The following FAM13C variants were observed in gnomAD, a reference collection of about 807,000 sequenced individuals.
The protein encoded by FAM13C is protein FAM13C.
In FAM13C, 37 loss-of-function variants were observed where a neutral mutation model predicts 73.2. The observed-to-expected ratio is 0.51, with a 90% CI of 0.39 to 0.67. The LOEUF is 0.67. FAM13C is among the 30% of genes least tolerant of loss of function. The pLI is 0.00. For synonymous variants in FAM13C, 246 were observed against 260.9 expected (o/e 0.94, Z 0.55); for missense variants, 589 against 715.6 (o/e 0.82, Z 2.02).
chr10:59,284,069 T>G (rs780118608), intron 5 of FAM13C, among the ~76,000 whole-genome samples: 1 of 150,958 alleles, frequency 6.6e-6, no homozygotes, highest in Non-Finnish European at 1.5e-5. Flanking sequence ...TAAAGTTACT[T>G]CTCTTACATG....
intron 1 of FAM13C, chr10:59,360,884 AC>A: frequency 3.2e-6 from 1 of 308,788 alleles, no homozygotes; most frequent in East Asian, 1.3e-4. Flanking sequence ...AAAAAAGTCC[AC>A]GTGAAATCTG....
chr10:59,357,607 GTT>G (rs1855884031), intron 1 of FAM13C, among the ~76,000 whole-genome samples: 1 of 152,200 alleles, frequency 6.6e-6, no homozygotes, highest in Non-Finnish European at 1.5e-5. Context: ...GGACAGACCA[GTT>G]TGTTTTTTAT....
chr10:59,251,636 T>G lies in FAM13C; in HGVS notation c.1573A>C (p.Lys525Gln), dbSNP rs781196676. ...LDHLRETRAD[K>Q]KRLRKALREF... ...CTTAAGGCTTTCCGCAGTCTCTTCT[T>G]GTCAGCCCTAGTTTCTCGGAGATGG... The change falls in exon 13 of 14, where the codon AAG becomes CAG. Residue 525 changes from lysine to glutamine, a missense_variant. Transcript: ENST00000618804. 6.2e-7 allele frequency: 1 copy of G among 1,613,518 alleles called. No individual in the cohort carries two copies. Among genetic ancestry groups the G allele is most frequent in the Admixed American group, 1.7e-5 (1 of 59,942 alleles).
In FAM13C at chr10:59,264,076, G is replaced by C. The variant is rs556346617; in HGVS notation, c.1024+9C>G. The C allele has an allele frequency of 6.2e-7, 1 of 1,611,628 alleles. No individual in the cohort carries two copies. Among genetic ancestry groups the C allele is most frequent in the South Asian group, 1.1e-5 (1 of 91,022 alleles). Reference sequence around the variant, plus strand: ...TTGTGAGGAAAAAAGATCTTTGGCTGGGATTTACCTTTGAGCTGTTTACGA... The same window carrying C: ...TTGTGAGGAAAAAAGATCTTTGGCTCGGATTTACCTTTGAGCTGTTTACGA... On this transcript the variant is annotated intron_variant, in intron 9 of 13. Coordinates refer to ENST00000618804, the MANE Select transcript of FAM13C (RefSeq NM_198215.4).
chr10:59,356,729 T>G (rs923615270), intron 1 of FAM13C, among the ~76,000 whole-genome samples: 3 of 152,190 alleles, frequency 2.0e-5, no homozygotes, highest in African/African-American at 7.2e-5. Context: ...AGTATTAATT[T>G]GATTGAAAGA....
At chr10:59,324,208 A>AT (rs763055547) in intron 3 of FAM13C, 102 bp from the exon 4 acceptor site, 19 of 858,084 alleles carry the variant, frequency 2.2e-5, no homozygotes, top group African/African-American at 3.4e-5. Context: ...GCAGCAATGC[A>AT]TAACACATTC....
At chr10:59,362,313 G>A in intron 1 of FAM13C, 86 bp downstream of exon 1, 1 of 1,537,666 alleles carries the variant, frequency 6.5e-7, no homozygotes, top group Non-Finnish European at 8.8e-7. Context: ...AACGAACAGC[G>A]GCTGGGAACG....
intron 4 of FAM13C, among the ~76,000 whole-genome samples, chr10:59,320,497 G>A (rs1421701397): frequency 1.3e-5 from 2 of 152,192 alleles, no homozygotes; most frequent in African/African-American, 4.8e-5. Context: ...GAAGTAGAAA[G>A]ACATTAGGAC....
rs143651509 is a variant in FAM13C, at chr10:59,261,816, C to T, written c.1236+618G>A. Among the ~76,000 whole-genome samples, 719 of 152,170 alleles carry T rather than the reference C, an allele frequency of 4.7e-3. 4 individuals are homozygous for T. The highest frequency in any genetic ancestry group is 0.017 in the African/African-American group (694 of 41,530). Reference sequence around the variant, plus strand: ...CAAGGAGAGATTAACCAGGTAAATACTAATCAGTCTTTTCTTCTTTGTAAA... The same window carrying T: ...CAAGGAGAGATTAACCAGGTAAATATTAATCAGTCTTTTCTTCTTTGTAAA... On this transcript the variant is annotated intron_variant, in intron 10 of 13. Transcript: ENST00000618804.
rs900598103 is a variant in FAM13C at position 59,246,884 on chromosome 10, T to A, written c.*730A>T. The stretch of plus-strand genomic sequence containing the variant: ...ACATATCTATCCAAAATACCTATTT[T>A]AAATTTTTAATACAATATTTTATTT... On this transcript the variant is annotated 3_prime_UTR_variant, in exon 14 of 14. Transcript: ENST00000618804. 1.4e-5 allele frequency: 5 copies of A among 351,932 alleles called. No individual in the cohort carries two copies. The highest frequency in any genetic ancestry group is 8.4e-5 in the African/African-American group (4 of 47,774). The allele number at this position is 351,932 out of a possible 1,614,324, so 21.8% of individuals were successfully genotyped here. A position where few individuals can be genotyped will look rare whatever the true frequency, so the allele number is the denominator to read the frequency against.
rs180957945 is a variant in FAM13C, at chr10:59,249,212, G to T, written c.1635-1475C>A. Among the ~76,000 whole-genome samples, 334 of 152,144 alleles carry T rather than the reference G, an allele frequency of 2.2e-3. 2 individuals carry two copies. Among genetic ancestry groups the T allele is most frequent in the African/African-American group, 7.2e-3 (297 of 41,504 alleles). On this transcript the variant is annotated intron_variant, in intron 13 of 13. Transcript: ENST00000618804. ...AAGGTCAGGAGATTGAGACCATCCT[G>T]GCTAACATGGTGAAACCCTGTCTCT...
intron 6 of FAM13C, among the ~76,000 whole-genome samples, chr10:59,277,692 T>C (rs1348325117): frequency 6.6e-6 from 1 of 152,182 alleles, no homozygotes; most frequent in East Asian, 1.9e-4. Context: ...AGGGATGGAT[T>C]TTAAAATGAC....
At chr10:59,340,599 G>A (rs1378003629) in intron 3 of FAM13C, among the ~76,000 whole-genome samples, 1 of 152,016 alleles carries the variant, frequency 6.6e-6, no homozygotes, top group Non-Finnish European at 1.5e-5. Context: ...AGCATGAAGT[G>A]GGAGTGGGGT....
intron 5 of FAM13C, chr10:59,297,313 A>C (rs1419201556): frequency 1.3e-5 from 2 of 152,182 alleles, no homozygotes; most frequent in African/African-American, 4.8e-5. Flanking sequence ...TTATGAAGTA[A>C]CAATGTGACT....
intron 4 of FAM13C, among the ~76,000 whole-genome samples, 189 bp downstream of exon 4, chr10:59,323,799 G>A (rs546279385): frequency 1.1e-4 from 16 of 152,260 alleles, no homozygotes; most frequent in African/African-American, 3.9e-4. Context: ...AGAGAAAGTA[G>A]GTCATTTACA....
chr10:59,326,181 T>C (rs1479183430), intron 3 of FAM13C, among the ~76,000 whole-genome samples: 1 of 152,138 alleles, frequency 6.6e-6, no homozygotes, highest in Non-Finnish European at 1.5e-5. Flanking sequence ...TTAGAGAAAG[T>C]GCCTCCTTAA....
chr10:59,358,203 C>T (rs1489628722), intron 1 of FAM13C, among the ~76,000 whole-genome samples: 2 of 152,142 alleles, frequency 1.3e-5, no homozygotes, highest in Admixed American at 6.5e-5. Context: ...CATGGTAAAA[C>T]CCCGTCTCTA....
intron 10 of FAM13C, among the ~76,000 whole-genome samples, chr10:59,257,679 AAATT>A (rs1240921757): frequency 2.6e-5 from 4 of 152,168 alleles, no homozygotes; most frequent in Non-Finnish European, 4.4e-5. Flanking sequence ...CTGACCATTT[AAATT>A]AAACAATCAA....
chr10:59,346,950 C>T (rs577211207), intron 3 of FAM13C, among the ~76,000 whole-genome samples: 7 of 152,280 alleles, frequency 4.6e-5, no homozygotes, highest in African/African-American at 1.7e-4. Context: ...CACCAACCAA[C>T]TCAACATCTC....
Sources: allele counts gnomAD v4.1 joint callset (sites outside exome capture counted in the v4.1 genomes callset), GRCh38; gene constraint gnomAD v4.1.1; transcripts MANE v1.5; gene names NCBI Gene and HGNC (gene_info 2026-07-23, HGNC 2026-07-21).